Variants in SERPINH1 observed in about 807,000 individuals in gnomAD.
SERPINH1 encodes the protein serpin H1.
Under a neutral mutation model 32.3 loss-of-function variants are expected in SERPINH1, and 22 were observed. That is an observed-to-expected ratio of 0.68 (90% CI 0.49 to 0.97). The LOEUF (loss-of-function observed/expected upper bound fraction) is 0.97, where lower values mean the gene tolerates loss of function less well. Among genes scored for constraint, SERPINH1 ranks in the 50% least tolerant of loss-of-function variants. SERPINH1 has a pLI of 0.00. For missense variants in SERPINH1, 543 were observed against 576.4 expected (o/e 0.94, Z 0.59); for synonymous variants, 251 against 245.9 (o/e 1.02, Z -0.19).
intron 4 of SERPINH1, among the ~76,000 whole-genome samples, chr11:75,570,274 G>A (rs1266262892): frequency 6.6e-6 from 1 of 152,190 alleles, no homozygotes; most frequent in Non-Finnish European, 1.5e-5. Flanking sequence ...CAGAGAGCTT[G>A]GAGAGATAAA....
Position 75,572,101 on chromosome 11 carries a change from A to G in SERPINH1, c.*18A>G, listed in dbSNP as rs757075129. 1 of 1,608,046 alleles carries G rather than the reference A, an allele frequency of 6.2e-7. No individual in the cohort carries two copies. Among genetic ancestry groups the G allele is most frequent in the East Asian group, 2.2e-5 (1 of 44,522 alleles). ...AGTTATAGGGCCTCAGGGTGCACAC[A>G]GGATGGCAGGAGGCATCCAAAGGCT... On this transcript the variant is annotated 3_prime_UTR_variant, in exon 5 of 5. Coordinates refer to ENST00000358171, the MANE Select transcript of SERPINH1 (RefSeq NM_001235.5).
intron 2 of SERPINH1, chr11:75,567,948 T>A (rs1217931960): frequency 6.5e-6 from 1 of 153,376 alleles, no homozygotes; most frequent in Non-Finnish European, 1.4e-5. Flanking sequence ...TTCAGGCCAC[T>A]CTCAGACATT....
At chr11:75,569,909 A>C (rs1051280078) in intron 4 of SERPINH1, among the ~76,000 whole-genome samples, 4 of 151,994 alleles carry the variant, frequency 2.6e-5, no homozygotes, top group African/African-American at 7.3e-5. Context: ...CTGAGGTCTG[A>C]AGTGCCCCCA....
intron 1 of SERPINH1, among the ~76,000 whole-genome samples, chr11:75,565,197 G>A (rs1387122336): frequency 6.6e-6 from 1 of 152,214 alleles, no homozygotes; most frequent in Non-Finnish European, 1.5e-5. Context: ...GCTGGGGCTT[G>A]GGGAGGAGGC....
At chr11:75,570,564 C>T (rs1790304) in intron 4 of SERPINH1, among the ~76,000 whole-genome samples, 2 of 152,050 alleles carry the variant, frequency 1.3e-5, no homozygotes, top group Admixed American at 1.3e-4. Context: ...CAAGGTCATC[C>T]GGGTGGGAAG....
At chr11:75,568,057 G>C (rs1209751141) in intron 2 of SERPINH1, 1 of 160,388 alleles carries the variant, frequency 6.2e-6, no homozygotes, top group Non-Finnish European at 1.4e-5. Flanking sequence ...AGCACTTTGG[G>C]AGGCCAAGGT....
chr11:75,567,298 G>C (rs1460238983), intron 2 of SERPINH1, among the ~76,000 whole-genome samples: 3 of 152,236 alleles, frequency 2.0e-5, no homozygotes, highest in African/African-American at 7.2e-5. Flanking sequence ...TAGTGAGCTA[G>C]AGAAAGAACT....
chr11:75,572,170 T>G lies in SERPINH1; in HGVS notation c.*87T>G. On this transcript the variant is annotated 3_prime_UTR_variant, in exon 5 of 5. Coordinates refer to ENST00000358171, the MANE Select transcript of SERPINH1 (RefSeq NM_001235.5). Reference sequence around the variant, plus strand: ...TATTGGGGTTGGGGGGGAGGTGAGGTACCAGCCTTGGATACTCCATGGGGT... The same window carrying G: ...TATTGGGGTTGGGGGGGAGGTGAGGGACCAGCCTTGGATACTCCATGGGGT... 3 of 1,290,466 alleles carry G rather than the reference T, an allele frequency of 2.3e-6. No homozygotes were observed. The highest frequency in any genetic ancestry group is 3.3e-6 in the Non-Finnish European group (3 of 906,688). 79.9% of individuals were successfully genotyped at this position (1,290,466 alleles called of 1,614,324 possible).
Position 75,566,522 on chromosome 11 carries a change from T to C in SERPINH1, c.173T>C (p.Met58Thr), listed in dbSNP as rs764918894. 1.9e-6 allele frequency: 3 copies of C among 1,612,128 alleles called. No individual in the cohort carries two copies. In the Admixed American group the frequency reaches 5.0e-5, roughly 27 times the overall value. Residue 58 changes from methionine to threonine, a missense_variant, in exon 2 of 5, where the codon ATG becomes ACG. Physicochemically the swap from Met to Thr is moderately conservative, Grantham distance 81 (BLOSUM62 -1). Around this residue, in one of 3 missense-constraint regions of SERPINH1, gnomAD observed 109 missense variants for 102.4 expected, o/e 1.06. Transcript: ENST00000358171. ...AGLAFSLYQA[M>T]AKDQAVENIL... ...CTGGCCTTCAGCTTGTACCAGGCCA[T>C]GGCCAAGGACCAGGCAGTGGAGAAC...
At position 75,569,028 on chromosome 11, in the gene SERPINH1, A is replaced by G; in HGVS notation, c.811A>G (p.Met271Val). 6.2e-7 allele frequency: 1 copy of G among 1,613,992 alleles called. No individual in the cohort carries two copies. Among genetic ancestry groups the G allele is most frequent in the Non-Finnish European group, 8.5e-7 (1 of 1,179,840 alleles). ...CAAGCTCTCCAGCCTCATCATCCTCATGCCCCATCACGTGGAGCCTCTCGA... is the reference window on the plus strand; with the variant it reads ...CAAGCTCTCCAGCCTCATCATCCTCGTGCCCCATCACGTGGAGCCTCTCGA... ...AHKLSSLIIL[M>V]PHHVEPLERL... Residue 271 changes from methionine to valine, a missense_variant, in exon 4 of 5, where the codon ATG becomes GTG. Met to Val is a conservative substitution (Grantham distance 21). Transcript: ENST00000358171.
chr11:75,572,157 G>T lies in SERPINH1; in HGVS notation c.*74G>T, dbSNP rs116470636. Reference sequence around the variant, plus strand: ...GACACATGGGTGCTATTGGGGTTGGGGGGGAGGTGAGGTACCAGCCTTGGA... The same window carrying T: ...GACACATGGGTGCTATTGGGGTTGGTGGGGAGGTGAGGTACCAGCCTTGGA... On this transcript the variant is annotated 3_prime_UTR_variant, in exon 5 of 5. Coordinates refer to ENST00000358171, the MANE Select transcript of SERPINH1 (RefSeq NM_001235.5). The T allele has an allele frequency of 2.1e-4, 314 of 1,480,454 alleles. No homozygotes were observed. The African/African-American group carries it at 3.5e-3, about 17-fold the overall frequency. 91.7% of individuals were successfully genotyped at this position (1,480,454 alleles called of 1,614,324 possible). A position where few individuals can be genotyped will look rare whatever the true frequency, so the allele number is the denominator to read the frequency against.
At chr11:75,569,459 G>A (rs113554578) in intron 4 of SERPINH1, 9 of 282,866 alleles carry the variant, frequency 3.2e-5, no homozygotes, top group Non-Finnish European at 1.3e-5. Flanking sequence ...GTCTCACTCT[G>A]TTGCCCAGGC....
intron 4 of SERPINH1, among the ~76,000 whole-genome samples, chr11:75,569,818 G>A (rs1373308507): frequency 6.6e-6 from 1 of 152,130 alleles, no homozygotes; most frequent in African/African-American, 2.4e-5. Context: ...GCTCAGAAAG[G>A]TTAAGTAACC....
At chr11:75,569,306 G>A (rs1942157025) in intron 4 of SERPINH1, 135 bp downstream of exon 4, 3 of 654,398 alleles carry the variant, frequency 4.6e-6, no homozygotes, top group East Asian at 5.4e-5. Flanking sequence ...CTGTGATGGG[G>A]GAAGCTGGGG....
At position 75,566,408 on chromosome 11, in the gene SERPINH1, A is replaced by C; in HGVS notation, c.59A>C (p.Glu20Ala). The C allele has an allele frequency of 6.2e-7, 1 of 1,611,296 alleles. No homozygotes were observed. Among genetic ancestry groups the C allele is most frequent in the Non-Finnish European group, 8.5e-7 (1 of 1,179,422 alleles). The change falls in exon 2 of 5, where the codon GAG becomes GCG. Residue 20 changes from glutamate (E) to alanine (A), a missense_variant. Glu to Ala is a moderately radical substitution (Grantham distance 107). Transcript: ENST00000358171. ...CTCCTGGAGGCGGCCCTGGCCGCCG[A>C]GGTGAAGAAACCTGCAGCCGCAGCA... ...FCLLEAALAA[E>A]VKKPAAAAAP...
Position 75,569,140 on chromosome 11 carries a change from A to G in SERPINH1, c.923A>G (p.Lys308Arg), listed in dbSNP as rs142663000. ...AAGGCTGTTGCCATCTCCTTGCCCA[A>G]GGGTGTGGTGGAGGTGACCCATGAC... ...QKKAVAISLPKGVVEVTHDLQ... is the reference protein window; with the variant it reads ...QKKAVAISLPRGVVEVTHDLQ... Residue 308 changes from lysine (K) to arginine (R), a missense_variant, in exon 4 of 5, where the codon AAG becomes AGG. Lys to Arg is a conservative substitution (Grantham distance 26). Transcript: ENST00000358171. The G allele has an allele frequency of 4.7e-5, 76 of 1,612,926 alleles. No homozygotes were observed. The highest frequency in any genetic ancestry group is 5.4e-5 in the Non-Finnish European group (64 of 1,179,500).
intron 4 of SERPINH1, 91 bp downstream of exon 4, chr11:75,569,262 C>A: frequency 2.2e-6 from 2 of 920,522 alleles, no homozygotes; most frequent in South Asian, 1.5e-5. Context: ...AGGTCTGTCC[C>A]AAGACCCCCT....
chr11:75,569,332 A>T (rs1942157395), intron 4 of SERPINH1, 161 bp downstream of exon 4: 1 of 618,942 alleles, frequency 1.6e-6, no homozygotes, highest in African/African-American at 1.8e-5. Context: ...GGTGTGGGCC[A>T]TGCCCTTGGG....
chr11:75,565,869 A>ACCACTC (rs1328203669), intron 1 of SERPINH1, among the ~76,000 whole-genome samples: 1 of 152,188 alleles, frequency 6.6e-6, no homozygotes, highest in Non-Finnish European at 1.5e-5. Flanking sequence ...ATCAGGGCTG[A>ACCACTC]CCACTCTATA....
Sources: allele counts gnomAD v4.1 joint callset (sites outside exome capture counted in the v4.1 genomes callset), GRCh38; gene constraint gnomAD v4.1.1; regional missense constraint gnomAD v4.1.1; transcripts MANE v1.5; gene names NCBI Gene and HGNC (gene_info 2026-07-23, HGNC 2026-07-21).